UBE3D: variants seen among roughly 807,000 people sequenced by gnomAD.
The protein encoded by UBE3D is E3 ubiquitin-protein ligase E3D.
A neutral mutation model predicts 49.6 loss-of-function variants in UBE3D; 48 were observed. That is an observed-to-expected ratio of 0.97 (90% CI 0.77 to 1.23). The LOEUF (loss-of-function observed/expected upper bound fraction) is 1.23, where lower values mean the gene tolerates loss of function less well. UBE3D is among the 50% of genes most tolerant of loss of function. The probability of loss-of-function intolerance (pLI) is 0.00; values close to 1 mark genes in which losing one functional copy is unlikely to be tolerated. For synonymous variants in UBE3D, 189 were observed against 174.2 expected (o/e 1.08, Z -0.67); for missense variants, 452 against 468.4 (o/e 0.96, Z 0.32).
chr6:83,018,591 G>C (rs1780856527), intron 8 of UBE3D: 1 of 187,762 alleles, frequency 5.3e-6, no homozygotes, highest in Middle Eastern at 2.2e-3. Context: ...TTTATGGTCT[G>C]CCTTCCCCCT....
intron 3 of UBE3D, among the ~76,000 whole-genome samples, chr6:83,053,166 A>G (rs531385821): frequency 2.2e-3 from 23 of 10,602 alleles, no homozygotes; most frequent in African/African-American, 6.7e-3. Flanking sequence ...TGTTAGTGTT[A>G]GTGTATTTTA....
intron 9 of UBE3D, among the ~76,000 whole-genome samples, chr6:82,924,031 G>A (rs966404668): frequency 5.3e-5 from 8 of 151,188 alleles, no homozygotes; most frequent in Non-Finnish European, 7.4e-5. Flanking sequence ...TGGTGAAGCA[G>A]TGAAAAGAGG....
At chr6:83,008,963 C>G in intron 8 of UBE3D, among the ~76,000 whole-genome samples, 1 of 152,164 alleles carries the variant, frequency 6.6e-6, no homozygotes, top group East Asian at 1.9e-4. Flanking sequence ...TCAACTTGTC[C>G]CTAAGACATT....
intron 8 of UBE3D, among the ~76,000 whole-genome samples, chr6:83,014,999 T>C (rs972940909): frequency 4.6e-5 from 7 of 152,364 alleles, no homozygotes; most frequent in Non-Finnish European, 1.5e-5. Flanking sequence ...ATTATTCTGA[T>C]TGCTGCTTTG....
At chr6:82,934,605 A>C (rs1296236396) in intron 9 of UBE3D, among the ~76,000 whole-genome samples, 2 of 152,070 alleles carry the variant, frequency 1.3e-5, no homozygotes, top group African/African-American at 4.8e-5. Context: ...AACAGTTGTT[A>C]AACAAGGTGA....
intron 8 of UBE3D, among the ~76,000 whole-genome samples, chr6:83,001,825 T>C (rs1336995257): frequency 6.6e-6 from 1 of 152,210 alleles, no homozygotes. Context: ...TCAGTGTAGT[T>C]GCTTTCCAAG....
At chr6:82,939,004 G>T (rs1354976709) in intron 9 of UBE3D, among the ~76,000 whole-genome samples, 1 of 151,604 alleles carries the variant, frequency 6.6e-6, no homozygotes, top group Non-Finnish European at 1.5e-5. Context: ...CTACGATCGT[G>T]CTACTACACT....
In UBE3D at chr6:83,044,620, C is replaced by T. The variant is rs773343288; in HGVS notation, c.405G>A (p.Trp135Ter). The T allele has an allele frequency of 6.2e-7, 1 of 1,614,062 alleles. No homozygotes were observed. Among genetic ancestry groups the T allele is most frequent in the Non-Finnish European group, 8.5e-7 (1 of 1,179,962 alleles). The change falls in exon 4 of 10, where the codon TGG becomes TGA. Residue 135 changes from tryptophan to a stop codon, truncating the protein, a stop_gained. Coordinates refer to ENST00000369747, the MANE Select transcript of UBE3D (RefSeq NM_198920.3). LOFTEE classifies it high-confidence loss of function. ...AACACCATTCTCCAACTAGAGCTCC[C>T]CAGTTCTCACTCGGCAGTGGGAGCA... ...LRVLPLPSEN[W>*]GALVGEWCCH...
Position 83,034,371 on chromosome 6 carries a change from T to C in UBE3D, c.667+4045A>G, listed in dbSNP as rs138677227. Among the ~76,000 whole-genome samples the C allele has an allele frequency of 4.0e-3, 617 of 152,370 alleles. 7 individuals are homozygous for C. Among genetic ancestry groups the C allele is most frequent in the African/African-American group, 0.013 (554 of 41,588 alleles). ...TGTTTCTTTTCTTGTTCAACCTTTTTTCTTCTTCCTGCAGTGAATAACTGC... is the reference window on the plus strand; with the variant it reads ...TGTTTCTTTTCTTGTTCAACCTTTTCTCTTCTTCCTGCAGTGAATAACTGC... On this transcript the variant is annotated intron_variant, in intron 5 of 9. Transcript: ENST00000369747.
intron 6 of UBE3D, 50 bp downstream of exon 6, chr6:83,023,919 T>C: frequency 1.6e-6 from 2 of 1,267,022 alleles, no homozygotes. Flanking sequence ...AAGGTCTGAA[T>C]GGGGAAAAAA....
At position 82,946,263 on chromosome 6, in the gene UBE3D, A is replaced by T. The variant is rs74445711; in HGVS notation, c.1149+11049T>A. On this transcript the variant is annotated intron_variant, in intron 9 of 9. Transcript: ENST00000369747. ...GAAAGGAGCCTAAAAGCACCAACAG[A>T]AAAGTAACAAATAACATACAATGGA... Among the ~76,000 whole-genome samples, 1,515 of 152,308 alleles carry T rather than the reference A, an allele frequency of 9.9e-3. 15 individuals are homozygous for T. The highest frequency in any genetic ancestry group is 0.034 in the African/African-American group (1,408 of 41,564).
chr6:82,959,775 G>T lies in UBE3D; in HGVS notation c.1011-2325C>A, dbSNP rs923445458. ...TGGCTCTGCTCCTAAGGAATGTAAG[G>T]CCTGCCTTTTACACACCAGTTGTAT... On this transcript the variant is annotated intron_variant, in intron 8 of 9. Transcript: ENST00000369747. 3.4e-5 allele frequency among the ~76,000 whole-genome samples: 5 copies of T among 147,030 alleles called. No individual in the cohort carries two copies. In the East Asian group the frequency reaches 9.9e-4, roughly 29 times the overall value.
chr6:82,972,510 G>A (rs1777425866), intron 8 of UBE3D, among the ~76,000 whole-genome samples: 1 of 152,130 alleles, frequency 6.6e-6, no homozygotes, highest in Admixed American at 6.5e-5. Flanking sequence ...TCAAGTTTAA[G>A]CCTTTAGACC....
chr6:82,905,551 T>G (rs895745026), intron 9 of UBE3D, among the ~76,000 whole-genome samples: 1 of 152,104 alleles, frequency 6.6e-6, no homozygotes, highest in African/African-American at 2.4e-5. Flanking sequence ...TTAGGCCAAT[T>G]AATACCCTAC....
chr6:83,023,270 G>C (rs1460465100), intron 6 of UBE3D, among the ~76,000 whole-genome samples: 1 of 152,176 alleles, frequency 6.6e-6, no homozygotes. Flanking sequence ...GTGACTGGGT[G>C]ATAAGATTCT....
intron 8 of UBE3D, among the ~76,000 whole-genome samples, chr6:82,961,526 G>A (rs868368326): frequency 6.6e-6 from 1 of 152,176 alleles, no homozygotes; most frequent in Non-Finnish European, 1.5e-5. Context: ...CCAGGATTCA[G>A]TCAGGTCAGC....
chr6:82,907,001 A>G (rs1407712891), intron 9 of UBE3D, among the ~76,000 whole-genome samples: 1 of 152,240 alleles, frequency 6.6e-6, no homozygotes, highest in Non-Finnish European at 1.5e-5. Context: ...AGGAATGGAA[A>G]AAAGGATCTT....
intron 5 of UBE3D, chr6:83,037,995 C>A (rs1782385708): frequency 6.8e-6 from 1 of 147,532 alleles, no homozygotes; most frequent in Admixed American, 7.0e-5. Context: ...ATTCTTCTAA[C>A]TGAGGAGGTG....
At chr6:83,048,079 C>CAAAAAAAAA (rs35344320) in intron 3 of UBE3D, among the ~76,000 whole-genome samples, 1 of 48,062 alleles carries the variant, frequency 2.1e-5, no homozygotes, top group Non-Finnish European at 3.5e-5. Flanking sequence ...GACTCCAGCT[C>CAAAAAAAAA]AAAAAAAAAA....
Sources: allele counts gnomAD v4.1 joint callset (sites outside exome capture counted in the v4.1 genomes callset), GRCh38; gene constraint gnomAD v4.1.1; transcripts MANE v1.5; gene names NCBI Gene and HGNC (gene_info 2026-07-23, HGNC 2026-07-21).